SNTB1: variants seen among roughly 807,000 people sequenced by gnomAD.
SNTB1 encodes syntrophin beta 1, also known as beta-1-syntrophin.
SNTB1 carries 36 observed loss-of-function variants against 48.9 expected under a neutral mutation model. The observed-to-expected ratio is 0.74, with a 90% CI of 0.56 to 0.97. The LOEUF is 0.97. SNTB1 is among the 50% of genes least tolerant of loss of function. The pLI is 0.00. For missense variants in SNTB1, 786 were observed against 703.4 expected (o/e 1.12, Z -1.33); for synonymous variants, 299 against 294.6 (o/e 1.01, Z -0.15).
intron 1 of SNTB1, among the ~76,000 whole-genome samples, chr8:120,721,971 G>A (rs1458148394): frequency 2.8e-5 from 4 of 141,800 alleles, no homozygotes; most frequent in African/African-American, 5.3e-5. Context: ...TCCCACCTAT[G>A]AGTGAGAACA....
At chr8:120,667,105 T>G (rs570721001) in intron 2 of SNTB1, among the ~76,000 whole-genome samples, 1 of 151,934 alleles carries the variant, frequency 6.6e-6, no homozygotes, top group African/African-American at 2.4e-5. Context: ...CTCTTCTTTT[T>G]TTTTTTTAAG....
chr8:120,661,300 G>C (rs1817583909), intron 2 of SNTB1, among the ~76,000 whole-genome samples: 1 of 151,992 alleles, frequency 6.6e-6, no homozygotes, highest in South Asian at 2.1e-4. Context: ...CTAGTTAAAT[G>C]CATGAATGAA....
intron 4 of SNTB1, among the ~76,000 whole-genome samples, chr8:120,573,888 C>T (rs761150196): frequency 2.7e-4 from 41 of 152,258 alleles, no homozygotes; most frequent in Non-Finnish European, 5.0e-4. Flanking sequence ...TACTGGTCTC[C>T]GTGTTTTTAT....
At chr8:120,613,196 A>AAAAATAT (rs1342316055) in intron 3 of SNTB1, among the ~76,000 whole-genome samples, 1 of 151,942 alleles carries the variant, frequency 6.6e-6, no homozygotes, top group African/African-American at 2.4e-5. Flanking sequence ...CTAAGAATAC[A>AAAAATAT]AAAAATTAGC....
intron 2 of SNTB1, chr8:120,654,934 A>C (rs1458520379): frequency 2.2e-6 from 1 of 455,716 alleles, no homozygotes; most frequent in Admixed American, 2.4e-5. Flanking sequence ...CAGGAGGATG[A>C]AGTCTTGCTG....
intron 3 of SNTB1, among the ~76,000 whole-genome samples, chr8:120,606,408 T>C (rs1041371142): frequency 5.0e-5 from 3 of 59,742 alleles, no homozygotes; most frequent in African/African-American, 1.6e-4. Context: ...TGTGTGTATA[T>C]ATGTGTGTGT....
chr8:120,805,127 G>A (rs1465313283), intron 1 of SNTB1, among the ~76,000 whole-genome samples: 1 of 152,160 alleles, frequency 6.6e-6, no homozygotes, highest in East Asian at 1.9e-4. Context: ...GAGAGGAAGC[G>A]ATTATTTATA....
At chr8:120,657,847 A>T (rs981468646) in intron 2 of SNTB1, among the ~76,000 whole-genome samples, 2 of 152,218 alleles carry the variant, frequency 1.3e-5, no homozygotes, top group African/African-American at 4.8e-5. Flanking sequence ...TTCAATAATC[A>T]CTGAGATTAT....
At chr8:120,766,459 C>T (rs1486410358) in intron 1 of SNTB1, among the ~76,000 whole-genome samples, 2 of 152,138 alleles carry the variant, frequency 1.3e-5, no homozygotes, top group African/African-American at 2.4e-5. Flanking sequence ...ATTATGTCTT[C>T]ACTATTGATT....
chr8:120,687,232 T>G (rs1393999519), intron 2 of SNTB1, among the ~76,000 whole-genome samples: 4 of 152,222 alleles, frequency 2.6e-5, no homozygotes, highest in Non-Finnish European at 5.9e-5. Context: ...TCTATGAATG[T>G]GTAACTAAAG....
chr8:120,702,633 A>T (rs1292905633), intron 1 of SNTB1, among the ~76,000 whole-genome samples: 1 of 151,772 alleles, frequency 6.6e-6, no homozygotes, highest in Non-Finnish European at 1.5e-5. Context: ...AAACATCGTG[A>T]TGATGGCTTA....
At chr8:120,808,202 C>T (rs1471652332) in intron 1 of SNTB1, among the ~76,000 whole-genome samples, 2 of 152,118 alleles carry the variant, frequency 1.3e-5, no homozygotes, top group South Asian at 2.1e-4. Flanking sequence ...CGTGAGCTAC[C>T]GTACCGGCCA....
chr8:120,761,206 A>C (rs1432606366), intron 1 of SNTB1: 1 of 152,206 alleles, frequency 6.6e-6, no homozygotes, highest in Non-Finnish European at 1.5e-5. Flanking sequence ...GCTGAAAAGA[A>C]CTGCAAGGCT....
chr8:120,751,458 T>C (rs1369799707), intron 1 of SNTB1, among the ~76,000 whole-genome samples: 1 of 149,752 alleles, frequency 6.7e-6, no homozygotes, highest in Non-Finnish European at 1.5e-5. Flanking sequence ...CCATACGAAT[T>C]AAATCTTAAA....
At chr8:120,591,639 A>G (rs1297898972) in intron 3 of SNTB1, among the ~76,000 whole-genome samples, 1 of 152,156 alleles carries the variant, frequency 6.6e-6, no homozygotes, top group Admixed American at 6.5e-5. Context: ...GGCTCAGTAA[A>G]TGCTTCTTTT....
intron 5 of SNTB1, 113 bp downstream of exon 5, chr8:120,548,649 G>T: frequency 2.2e-6 from 2 of 896,996 alleles, no homozygotes; most frequent in Non-Finnish European, 1.7e-6. Flanking sequence ...TTTGCTTCTG[G>T]AATTTTAACT....
intron 1 of SNTB1, among the ~76,000 whole-genome samples, chr8:120,810,577 C>T (rs1778054670): frequency 1.3e-5 from 2 of 152,208 alleles, no homozygotes; most frequent in Admixed American, 1.3e-4. Flanking sequence ...CCCAGAGGAA[C>T]CTGGAATCCA....
At chr8:120,730,588 C>T (rs576675723) in intron 1 of SNTB1, among the ~76,000 whole-genome samples, 1 of 152,308 alleles carries the variant, frequency 6.6e-6, no homozygotes, top group South Asian at 2.1e-4. Flanking sequence ...AAGCATTACA[C>T]CTTCTTACGT....
At chr8:120,646,484 T>G (rs1408490001) in intron 2 of SNTB1, among the ~76,000 whole-genome samples, 1 of 149,698 alleles carries the variant, frequency 6.7e-6, no homozygotes, top group African/African-American at 2.4e-5. Flanking sequence ...TTTGCATATA[T>G]TGAACCAGCC....
Sources: allele counts gnomAD v4.1 joint callset (sites outside exome capture counted in the v4.1 genomes callset), GRCh38; gene constraint gnomAD v4.1.1; transcripts MANE v1.5; gene names NCBI Gene and HGNC (gene_info 2026-07-23, HGNC 2026-07-21).